CLDN12: variants seen among roughly 807,000 people sequenced by gnomAD.
CLDN12 encodes claudin-12.
CLDN12 carries 9 observed loss-of-function variants against 15.5 expected under a neutral mutation model. The observed-to-expected ratio is 0.58, with a 90% CI of 0.35 to 1.02. The LOEUF (loss-of-function observed/expected upper bound fraction) is 1.02. Among genes scored for constraint, CLDN12 ranks in the 50% least tolerant of loss-of-function variants. CLDN12 has a pLI of 0.02. For synonymous variants in CLDN12, 140 were observed against 121.6 expected, an observed-to-expected ratio of 1.15 and a Z score of -1.00; for missense variants, 233 against 297.3, an observed-to-expected ratio of 0.78 and a Z score of 1.59.
rs181153655 is a variant in CLDN12, at chr7:90,406,918, T to G, written c.-77+1310T>G. ...GGGATTTTCACATGGCAAAAAGATG[T>G]TTTTTTTTCTCCATTAAAAAAACTA... On this transcript the variant is annotated intron_variant, in intron 2 of 3. Coordinates refer to ENST00000496677, the MANE Select transcript of CLDN12 (RefSeq NM_001185072.3). Among the ~76,000 whole-genome samples, 38 of 151,430 alleles carry G rather than the reference T, an allele frequency of 2.5e-4. No individual in the cohort carries two copies. In the East Asian group the frequency reaches 6.4e-3, roughly 25 times the overall value.
chr7:90,404,373 C>T (rs1226082927), intron 1 of CLDN12, among the ~76,000 whole-genome samples: 1 of 152,082 alleles, frequency 6.6e-6, no homozygotes, highest in African/African-American at 2.4e-5. Flanking sequence ...GTGATGAACG[C>T]CTCAATCCAG....
chr7:90,413,130 A>G lies in CLDN12; in HGVS notation c.454A>G (p.Ile152Val), dbSNP rs1227469450. 10 of 1,613,986 alleles carry G rather than the reference A, an allele frequency of 6.2e-6. No individual in the cohort carries two copies. The highest frequency in any genetic ancestry group is 8.5e-6 in the Non-Finnish European group (10 of 1,180,006). ...AGGTACTGTGAGCCTCTCCCCATCT[A>G]TCTGGGTCATCTTTTATAACATCCA... The part of the protein sequence containing the change: ...LAGTVSLSPS[I>V]WVIFYNIHLN... Residue 152 changes from isoleucine to valine, a missense_variant, in exon 4 of 4, where the codon ATC becomes GTC. Transcript: ENST00000496677.
In CLDN12 at chr7:90,413,347, A is replaced by T. The variant is rs769754148; in HGVS notation, c.671A>T (p.Tyr224Phe). The T allele has an allele frequency of 1.2e-6, 2 of 1,614,152 alleles. No individual in the cohort carries two copies. Among genetic ancestry groups the T allele is most frequent in the Non-Finnish European group, 8.5e-7 (1 of 1,180,010 alleles). Reference sequence around the variant, plus strand: ...AGTATGCATACTTACTCACAGCCCTATTCAGCACGCTCTCGCCTCTCTGCC... The same window carrying T: ...AGTATGCATACTTACTCACAGCCCTTTTCAGCACGCTCTCGCCTCTCTGCC... ...PPSMHTYSQP[Y>F]SARSRLSAIE... Residue 224 changes from tyrosine to phenylalanine, a missense_variant, in exon 4 of 4, where the codon TAT becomes TTT. By Grantham distance (22) the Tyr-to-Phe change is conservative. Transcript: ENST00000496677.
chr7:90,412,126 CCT>C (rs1478077033), intron 3 of CLDN12, 77 bp downstream of exon 3: 3 of 151,792 alleles, frequency 2.0e-5, no homozygotes, highest in Admixed American at 6.5e-5. Context: ...CAACCATTCC[CCT>C]GTCCTGTACT....
intron 2 of CLDN12, among the ~76,000 whole-genome samples, chr7:90,411,388 G>A (rs1366646856): frequency 6.6e-6 from 1 of 152,186 alleles, no homozygotes; most frequent in East Asian, 1.9e-4. Context: ...GTGAATATCA[G>A]ACCCTTGAGG....
intron 2 of CLDN12, among the ~76,000 whole-genome samples, chr7:90,410,175 C>T (rs1796930826): frequency 6.6e-6 from 1 of 150,900 alleles, no homozygotes; most frequent in Admixed American, 6.6e-5. Flanking sequence ...GTAGCTTTTT[C>T]CAGTGCAAAC....
intron 2 of CLDN12, among the ~76,000 whole-genome samples, chr7:90,409,383 G>A (rs1034928408): frequency 6.6e-6 from 1 of 151,902 alleles, no homozygotes; most frequent in Non-Finnish European, 1.5e-5. Flanking sequence ...CACCATGCCT[G>A]GCTAGTTTTT....
rs1446345598 is a variant in CLDN12 at position 90,415,638 on chromosome 7, G to A, written c.*2227G>A. 1 of 166,964 alleles carries A rather than the reference G, an allele frequency of 6.0e-6. No homozygotes were observed. The highest frequency in any genetic ancestry group is 1.9e-4 in the East Asian group (1 of 5,186). 10.3% of individuals were successfully genotyped at this position (166,964 alleles called of 1,614,324 possible). On this transcript the variant is annotated 3_prime_UTR_variant, in exon 4 of 4. Coordinates refer to ENST00000496677, the MANE Select transcript of CLDN12 (RefSeq NM_001185072.3). The stretch of plus-strand genomic sequence containing the variant: ...GTAGCTGTTTTTAAAGCCGTCCAAG[G>A]AAAATAATTATTTACAGTTTTTGAA...
Position 90,405,289 on chromosome 7 carries a change from G to A in CLDN12, c.-166-230G>A, listed in dbSNP as rs113281708. Among the ~76,000 whole-genome samples, 6 of 152,192 alleles carry A rather than the reference G, an allele frequency of 3.9e-5. 1 individual carries two copies. Among genetic ancestry groups the A allele is most frequent in the Non-Finnish European group, 5.9e-5 (4 of 68,004 alleles). On this transcript the variant is annotated intron_variant, in intron 1 of 3. Coordinates refer to ENST00000496677, the MANE Select transcript of CLDN12 (RefSeq NM_001185072.3). ...TGTTGGCCAGGCTGGTCTTGAACTC[G>A]GGCTCAAGTGATCATCCCGCCTCAG... is the stretch of plus-strand genomic sequence containing the variant.
intron 2 of CLDN12, among the ~76,000 whole-genome samples, chr7:90,407,326 C>G (rs1305258746): frequency 6.6e-6 from 1 of 152,122 alleles, no homozygotes; most frequent in Non-Finnish European, 1.5e-5. Context: ...TCACAGGTTT[C>G]TGGGGTAAGA....
chr7:90,403,489 G>A lies in CLDN12; in HGVS notation c.-227G>A, dbSNP rs1796775676. Reference sequence around the variant, plus strand: ...AACGCACTTCCTGGGACGCTGAGAGGGAGACGCTCCAAGAGGCTCCTCAGT... The same window carrying A: ...AACGCACTTCCTGGGACGCTGAGAGAGAGACGCTCCAAGAGGCTCCTCAGT... On this transcript the variant is annotated 5_prime_UTR_variant, in exon 1 of 4. Transcript: ENST00000496677. The A allele has an allele frequency of 6.6e-6, 1 of 152,134 alleles. No individual in the cohort carries two copies. Among genetic ancestry groups the A allele is most frequent in the Admixed American group, 6.5e-5 (1 of 15,270 alleles). 9.4% of individuals were successfully genotyped at this position (152,134 alleles called of 1,614,324 possible).
rs937281533 is a variant in CLDN12 at position 90,414,393 on chromosome 7, G to A, written c.*982G>A. 1.4e-5 allele frequency: 14 copies of A among 999,862 alleles called. No homozygotes were observed. Among genetic ancestry groups the A allele is most frequent in the Non-Finnish European group, 1.7e-5 (14 of 829,928 alleles). The allele number at this position is 999,862 out of a possible 1,614,324, so 61.9% of individuals were successfully genotyped here. A position where few individuals can be genotyped will look rare whatever the true frequency, so the allele number is the denominator to read the frequency against. ...TTCATTCACCCTTGATTCATTTCTC[G>A]CCCCCGTCACTGATTATTTCCTTGA... On this transcript the variant is annotated 3_prime_UTR_variant, in exon 4 of 4. Transcript: ENST00000496677.
intron 2 of CLDN12, among the ~76,000 whole-genome samples, chr7:90,409,756 G>T (rs953608614): frequency 5.9e-5 from 9 of 152,068 alleles, no homozygotes; most frequent in Non-Finnish European, 1.2e-4. Context: ...CACTTGATAC[G>T]TAGTAATTAT....
intron 2 of CLDN12, among the ~76,000 whole-genome samples, chr7:90,406,733 C>T (rs1207914576): frequency 6.6e-6 from 1 of 152,080 alleles, no homozygotes; most frequent in African/African-American, 2.4e-5. Flanking sequence ...TCTTTGGTCT[C>T]CTGGACAACA....
In CLDN12 at chr7:90,410,499, T is replaced by G. The variant is rs6961218; in HGVS notation, c.-76-1508T>G. 4.8e-3 allele frequency among the ~76,000 whole-genome samples: 731 copies of G among 152,350 alleles called. 1 individual carries two copies. Among genetic ancestry groups the G allele is most frequent in the Non-Finnish European group, 8.2e-3 (557 of 68,028 alleles). ...TGCTATTTGTGTATATTTGAATATA[T>G]GTATGTACACATAGGCATTTTTTTG... is the stretch of plus-strand genomic sequence containing the variant. On this transcript the variant is annotated intron_variant, in intron 2 of 3. Transcript: ENST00000496677.
intron 2 of CLDN12, among the ~76,000 whole-genome samples, chr7:90,411,741 A>G (rs1796967885): frequency 6.6e-6 from 1 of 152,154 alleles, no homozygotes; most frequent in Admixed American, 6.6e-5. Context: ...GAGCTCATTT[A>G]CTTTTTATAA....
rs1249523650 is a variant in CLDN12 at position 90,415,076 on chromosome 7, A to G, written c.*1665A>G. On this transcript the variant is annotated 3_prime_UTR_variant, in exon 4 of 4. Transcript: ENST00000496677. ...TTGCAATTCTGAATATGATTCTAGT[A>G]TTTGTGTAGATGTATTTGGTACTTT... The G allele has an allele frequency of 6.0e-6, 1 of 166,842 alleles. No homozygotes were observed. Among genetic ancestry groups the G allele is most frequent in the Non-Finnish European group, 1.5e-5 (1 of 68,118 alleles). The allele number at this position is 166,842 out of a possible 1,614,324, so 10.3% of individuals were successfully genotyped here.
In CLDN12 at chr7:90,414,878, A is replaced by C. The variant is rs965213810; in HGVS notation, c.*1467A>C. ...ATTAGATGAAACCATGTTAAAGCTG[A>C]GATGAACACTTAGAAATTCAGGGAT... On this transcript the variant is annotated 3_prime_UTR_variant, in exon 4 of 4. Coordinates refer to ENST00000496677, the MANE Select transcript of CLDN12 (RefSeq NM_001185072.3). The C allele has an allele frequency of 3.6e-5, 6 of 167,074 alleles. No individual in the cohort carries two copies. The highest frequency in any genetic ancestry group is 1.4e-4 in the African/African-American group (6 of 41,468). The allele number at this position is 167,074 out of a possible 1,614,324, so 10.3% of individuals were successfully genotyped here.
rs1384990512 is a variant in CLDN12 at position 90,414,303 on chromosome 7, AT to A, written c.*895del. The A allele has an allele frequency of 1.0e-4, 102 of 999,526 alleles. 1 individual carries two copies. In the Middle Eastern group the frequency reaches 3.7e-3, roughly 36 times the overall value. 61.9% of individuals were successfully genotyped at this position (999,526 alleles called of 1,614,324 possible). On this transcript the variant is annotated 3_prime_UTR_variant, in exon 4 of 4. Transcript: ENST00000496677. ...CTGTTCTTCAGTGAGTACACTAGAG[AT>A]TTACTCTGGTGACTGCCTTTTGAGT...
Sources: allele counts gnomAD v4.1 joint callset (sites outside exome capture counted in the v4.1 genomes callset), GRCh38; gene constraint gnomAD v4.1.1; transcripts MANE v1.5; gene names NCBI Gene and HGNC (gene_info 2026-07-23, HGNC 2026-07-21).